The following GREB1L variants were observed in gnomAD, a reference collection of about 807,000 sequenced individuals.
GREB1L encodes GREB1-like protein.
In GREB1L, 17 loss-of-function variants were observed where a neutral mutation model predicts 200.8. The ratio of observed to expected loss-of-function variants is 0.08; its 90% CI spans 0.06 to 0.13. The LOEUF is 0.13. GREB1L is among the 10% of genes least tolerant of loss of function. GREB1L has a pLI of 1.00. For synonymous variants in GREB1L, 789 were observed against 893.0 expected, an observed-to-expected ratio of 0.88 and a Z score of 2.08; for missense variants, 1,657 against 2,367.7, an observed-to-expected ratio of 0.70 and a Z score of 6.23.
chr18:21,243,328 C>G (rs1567905420), intron 1 of GREB1L, among the ~76,000 whole-genome samples: 1 of 152,202 alleles, frequency 6.6e-6, no homozygotes, highest in Non-Finnish European at 1.5e-5. Flanking sequence ...CTGCCTCTAA[C>G]CGAGGCTGCG....
intron 1 of GREB1L, among the ~76,000 whole-genome samples, chr18:21,300,655 G>A (rs1314347871): frequency 6.6e-6 from 1 of 152,164 alleles, no homozygotes; most frequent in Non-Finnish European, 1.5e-5. Context: ...TTTTCACCTA[G>A]TCTGTCCATC....
chr18:21,419,234 T>A (rs2031932385), intron 7 of GREB1L, among the ~76,000 whole-genome samples: 2 of 152,228 alleles, frequency 1.3e-5, no homozygotes, highest in Admixed American at 1.3e-4. Context: ...GACACATTTC[T>A]TAGAGCATAT....
At chr18:21,494,834 T>A (rs2036484537) in intron 19 of GREB1L, among the ~76,000 whole-genome samples, 1 of 152,236 alleles carries the variant, frequency 6.6e-6, no homozygotes, top group African/African-American at 2.4e-5. Flanking sequence ...AATAGACACA[T>A]CTGTAAGATC....
At chr18:21,419,646 C>G (rs1327630358) in intron 7 of GREB1L, among the ~76,000 whole-genome samples, 2 of 152,202 alleles carry the variant, frequency 1.3e-5, no homozygotes, top group African/African-American at 4.8e-5. Flanking sequence ...AACAGGGTTT[C>G]ACCATGTTGA....
chr18:21,482,589 G>A (rs2035962281), intron 17 of GREB1L, among the ~76,000 whole-genome samples: 2 of 151,150 alleles, frequency 1.3e-5, no homozygotes, highest in South Asian at 4.2e-4. Flanking sequence ...GAGGGCAGAT[G>A]AGACTGACTT....
rs768968365 is a variant in GREB1L, at chr18:21,439,543, C to G, written c.855C>G (p.Ser285Arg). 1.9e-6 allele frequency: 3 copies of G among 1,548,914 alleles called. 1 individual carries two copies. Among genetic ancestry groups the G allele is most frequent in the Non-Finnish European group, 1.7e-6 (2 of 1,144,240 alleles). ...TQTDAANGNS[S>R]HGGKGSASSS... is the part of the protein sequence containing the mutation. ...CAGATGCTGCTAATGGAAACAGTAG[C>G]CATGGAGGGAAGGGCAGTGCATCCA... Residue 285 changes from serine to arginine, a missense_variant, in exon 8 of 33, where the codon AGC becomes AGG. Around this residue, in one of 9 missense-constraint regions of GREB1L, gnomAD observed 289 missense variants for 345.1 expected, o/e 0.84. Coordinates refer to ENST00000424526, the MANE Select transcript of GREB1L (RefSeq NM_001142966.3).
At chr18:21,391,797 GGTTT>G (rs1258222311) in intron 4 of GREB1L, among the ~76,000 whole-genome samples, 5 of 152,092 alleles carry the variant, frequency 3.3e-5, no homozygotes, top group South Asian at 2.1e-4. Flanking sequence ...ATTTTAGATT[GGTTT>G]GTTTGTTTAT....
At chr18:21,502,250 C>T (rs906382017) in intron 23 of GREB1L, among the ~76,000 whole-genome samples, 1 of 95,356 alleles carries the variant, frequency 1.0e-5, no homozygotes, top group Admixed American at 1.2e-4. Context: ...GACTCTGTCT[C>T]AAAAAAAAAA....
rs1394168652 is a variant in GREB1L at position 21,372,562 on chromosome 18, A to G, written c.-10+6426A>G. On this transcript the variant is annotated intron_variant, in intron 2 of 32. Transcript: ENST00000424526. The stretch of plus-strand genomic sequence containing the variant: ...TGTATTTTATGTGTGGCTCAGAACA[A>G]TTCTTCCAGTGTGGCCGAAGATGGC... 2.6e-5 allele frequency among the ~76,000 whole-genome samples: 4 copies of G among 152,124 alleles called. No individual in the cohort carries two copies. The East Asian group carries it at 5.8e-4, about 22-fold the overall frequency.
At chr18:21,275,682 A>G (rs2038151294) in intron 1 of GREB1L, among the ~76,000 whole-genome samples, 1 of 152,196 alleles carries the variant, frequency 6.6e-6, no homozygotes, top group Non-Finnish European at 1.5e-5. Flanking sequence ...TATTCTCTAC[A>G]TATAAAACAT....
intron 31 of GREB1L, 36 bp from the exon 32 acceptor site, chr18:21,520,652 T>G: frequency 6.4e-7 from 1 of 1,550,896 alleles, no homozygotes; most frequent in African/African-American, 1.4e-5. Context: ...TGCTTGCTCT[T>G]GAAATGCCCA....
At chr18:21,351,652 G>C (rs1489027782) in intron 1 of GREB1L, among the ~76,000 whole-genome samples, 1 of 151,656 alleles carries the variant, frequency 6.6e-6, no homozygotes. Flanking sequence ...GAAAGGAATA[G>C]ATATTACATT....
intron 7 of GREB1L, among the ~76,000 whole-genome samples, chr18:21,406,280 C>T (rs1296564170): frequency 1.3e-5 from 2 of 152,170 alleles, no homozygotes; most frequent in African/African-American, 4.8e-5. Flanking sequence ...CAGTTGCCAT[C>T]ATGAGACACA....
In GREB1L at chr18:21,261,874, A is replaced by T. The variant is rs2037895568; in HGVS notation, c.-120+19481A>T. ...TACCTTTATTTTATTTTAATTTTTTATTTTCTAAATACCTTTATTTTATAA... is the reference window on the plus strand; with the variant it reads ...TACCTTTATTTTATTTTAATTTTTTTTTTTCTAAATACCTTTATTTTATAA... On this transcript the variant is annotated intron_variant, in intron 1 of 32. Coordinates refer to ENST00000424526, the MANE Select transcript of GREB1L (RefSeq NM_001142966.3). Among the ~76,000 whole-genome samples the T allele has an allele frequency of 2.0e-5, 3 of 152,098 alleles. No homozygotes were observed. In the South Asian group the frequency reaches 6.2e-4, roughly 32 times the overall value.
At chr18:21,399,106 G>A (rs1420352614) in intron 5 of GREB1L, among the ~76,000 whole-genome samples, 1 of 152,130 alleles carries the variant, frequency 6.6e-6, no homozygotes, top group East Asian at 1.9e-4. Context: ...AATAGACAGA[G>A]GAAAAGATCA....
At chr18:21,469,574 G>A (rs2035401170) in intron 15 of GREB1L, among the ~76,000 whole-genome samples, 1 of 152,164 alleles carries the variant, frequency 6.6e-6, no homozygotes, top group African/African-American at 2.4e-5. Context: ...AAATGAAAAT[G>A]TGGGCGTTAA....
chr18:21,316,061 T>G (rs1048817604), intron 1 of GREB1L, among the ~76,000 whole-genome samples: 21 of 152,222 alleles, frequency 1.4e-4, no homozygotes, highest in Admixed American at 9.2e-4. Flanking sequence ...CTCCAAGTAC[T>G]GTGAGAATTG....
chr18:21,413,077 C>T (rs1263478040), intron 7 of GREB1L, among the ~76,000 whole-genome samples: 1 of 152,172 alleles, frequency 6.6e-6, no homozygotes, highest in African/African-American at 2.4e-5. Flanking sequence ...AAATGGAACT[C>T]TGTAAATGTC....
chr18:21,401,497 T>C (rs1184947304), intron 6 of GREB1L, among the ~76,000 whole-genome samples, 171 bp downstream of exon 6: 1 of 152,172 alleles, frequency 6.6e-6, no homozygotes, highest in Non-Finnish European at 1.5e-5. Context: ...CCCTTACTAA[T>C]TTTAACAGAG....
Sources: allele counts gnomAD v4.1 joint callset (sites outside exome capture counted in the v4.1 genomes callset), GRCh38; gene constraint gnomAD v4.1.1; regional missense constraint gnomAD v4.1.1; transcripts MANE v1.5; gene names NCBI Gene and HGNC (gene_info 2026-07-23, HGNC 2026-07-21).